Variants in FBXL17 observed in about 807,000 individuals in gnomAD.
The protein encoded by FBXL17 is F-box/LRR-repeat protein 17.
A neutral mutation model predicts 66.2 loss-of-function variants in FBXL17; 22 were observed. That is an observed-to-expected ratio of 0.33 (90% CI 0.24 to 0.47). FBXL17 has a LOEUF of 0.47. Ranked by LOEUF, FBXL17 falls within the 20% of genes least tolerant of loss-of-function variation. The pLI, the probability that FBXL17 is intolerant of heterozygous loss-of-function variation, is 1.00. For synonymous variants in FBXL17, 474 were observed against 400.5 expected (o/e 1.18, Z -2.19); for missense variants, 878 against 948.2 (o/e 0.93, Z 0.97).
At chr5:108,025,013 G>C (rs1754745370) in intron 6 of FBXL17, among the ~76,000 whole-genome samples, 1 of 152,130 alleles carries the variant, frequency 6.6e-6, no homozygotes, top group Non-Finnish European at 1.5e-5. Flanking sequence ...TTGAATTATG[G>C]AAAACAATGG....
intron 7 of FBXL17, among the ~76,000 whole-genome samples, chr5:107,967,722 T>G (rs1752208412): frequency 3.9e-5 from 6 of 152,060 alleles, no homozygotes; most frequent in Admixed American, 3.9e-4. Context: ...TTCAATATTT[T>G]ACCTAGTATG....
intron 4 of FBXL17, among the ~76,000 whole-genome samples, chr5:108,250,616 T>G (rs1388734455): frequency 1.3e-4 from 20 of 152,098 alleles, no homozygotes; most frequent in Admixed American, 1.3e-3. Flanking sequence ...TGACAAACTC[T>G]AGTGGCATTT....
intron 3 of FBXL17, among the ~76,000 whole-genome samples, chr5:108,355,924 A>C (rs191239550): frequency 3.2e-4 from 48 of 152,336 alleles, no homozygotes; most frequent in African/African-American, 1.0e-3. Flanking sequence ...TAAAAACACC[A>C]ACTAAAAGAC....
intron 4 of FBXL17, among the ~76,000 whole-genome samples, chr5:108,291,343 G>C (rs559274621): frequency 2.6e-5 from 4 of 152,300 alleles, no homozygotes; most frequent in Non-Finnish European, 5.9e-5. Flanking sequence ...AAGTTTGTAA[G>C]TATTCAGAAC....
At chr5:108,045,703 T>C (rs1161875326) in intron 6 of FBXL17, among the ~76,000 whole-genome samples, 1 of 152,230 alleles carries the variant, frequency 6.6e-6, no homozygotes, top group Non-Finnish European at 1.5e-5. Flanking sequence ...ATTATTTCTC[T>C]TGTGACTTCC....
At chr5:107,865,283 T>C (rs1158237759) in intron 8 of FBXL17, among the ~76,000 whole-genome samples, 1 of 152,250 alleles carries the variant, frequency 6.6e-6, no homozygotes. Flanking sequence ...CTCTATGTGA[T>C]AACTGTTTTC....
At chr5:108,252,618 G>C (rs1314975485) in intron 4 of FBXL17, among the ~76,000 whole-genome samples, 2 of 152,090 alleles carry the variant, frequency 1.3e-5, no homozygotes, top group Non-Finnish European at 2.9e-5. Context: ...AGTTGGCAAT[G>C]CACATATGCC....
intron 8 of FBXL17, among the ~76,000 whole-genome samples, chr5:107,868,181 T>C (rs1205807285): frequency 6.6e-6 from 1 of 152,196 alleles, no homozygotes; most frequent in Non-Finnish European, 1.5e-5. Flanking sequence ...CAGCACACAG[T>C]GCTCTTTGCA....
At chr5:108,338,235 G>A (rs188761587) in intron 4 of FBXL17, among the ~76,000 whole-genome samples, 16 of 152,060 alleles carry the variant, frequency 1.1e-4, no homozygotes, top group Admixed American at 7.9e-4. Flanking sequence ...ACCTCTCGGC[G>A]TTCACTTGGA....
chr5:108,254,296 T>C (rs1249140638), intron 4 of FBXL17, among the ~76,000 whole-genome samples: 2 of 152,214 alleles, frequency 1.3e-5, no homozygotes, highest in Non-Finnish European at 2.9e-5. Context: ...AATTTCCCTA[T>C]TTAAGCTTGA....
At chr5:108,183,535 C>CA (rs1465725445) in intron 6 of FBXL17, among the ~76,000 whole-genome samples, 1 of 152,068 alleles carries the variant, frequency 6.6e-6, no homozygotes, top group African/African-American at 2.4e-5. Context: ...ACTTTGTTTT[C>CA]AGGAAAGTTA....
chr5:108,060,552 T>C (rs1364172900), intron 6 of FBXL17, among the ~76,000 whole-genome samples: 1 of 152,192 alleles, frequency 6.6e-6, no homozygotes, highest in Non-Finnish European at 1.5e-5. Context: ...TAGTCTCTTA[T>C]TGTCTAGTTA....
At chr5:108,214,547 T>G (rs949608368) in intron 5 of FBXL17, among the ~76,000 whole-genome samples, 1 of 152,006 alleles carries the variant, frequency 6.6e-6, no homozygotes, top group Non-Finnish European at 1.5e-5. Context: ...TTTTTAAATA[T>G]TTTTAGTAGA....
intron 6 of FBXL17, among the ~76,000 whole-genome samples, chr5:108,081,325 G>T (rs1748752800): frequency 6.6e-6 from 1 of 152,112 alleles, no homozygotes; most frequent in South Asian, 2.1e-4. Flanking sequence ...CGATTCAGTT[G>T]GTTGGGGAGC....
intron 4 of FBXL17, among the ~76,000 whole-genome samples, chr5:108,323,413 C>A (rs563517855): frequency 3.3e-5 from 5 of 151,782 alleles, no homozygotes; most frequent in Non-Finnish European, 5.9e-5. Flanking sequence ...AAGACTTATA[C>A]ACTGAAAATT....
intron 4 of FBXL17, among the ~76,000 whole-genome samples, chr5:108,226,334 G>C (rs1319020734): frequency 6.6e-6 from 1 of 152,018 alleles, no homozygotes; most frequent in Non-Finnish European, 1.5e-5. Flanking sequence ...ATAAATAAAT[G>C]AATTTTTTTC....
chr5:107,998,401 A>G (rs6871553), intron 7 of FBXL17, among the ~76,000 whole-genome samples: 23,493 of 152,092 alleles, frequency 0.15, 5,019 homozygotes, highest in African/African-American at 0.48. Flanking sequence ...TTCATTAAGA[A>G]TTCCTTTTGC....
At chr5:108,333,642 T>C (rs1760239609) in intron 4 of FBXL17, among the ~76,000 whole-genome samples, 1 of 152,112 alleles carries the variant, frequency 6.6e-6, no homozygotes, top group Non-Finnish European at 1.5e-5. Flanking sequence ...CTGTCAATTC[T>C]CAATTTATCA....
At chr5:107,932,829 A>G (rs986821682) in intron 7 of FBXL17, among the ~76,000 whole-genome samples, 5 of 152,024 alleles carry the variant, frequency 3.3e-5, no homozygotes, top group Non-Finnish European at 5.9e-5. Context: ...TCTAAGCTTA[A>G]GAAATCCATC....
Sources: gnomAD v4.1 joint callset for allele counts (sites outside exome capture counted in the v4.1 genomes callset) on GRCh38, gnomAD v4.1.1 for gene constraint, MANE v1.5 for transcripts, NCBI Gene and HGNC (gene_info 2026-07-23, HGNC 2026-07-21) for gene names.